The following RIGI variants were observed in gnomAD, a reference collection of about 807,000 sequenced individuals.
RIGI encodes RNA sensor RIG-I.
At chr9:32,501,588 G>A in the RIGI span, among the ~76,000 whole-genome samples, 1 of 152,170 alleles carries the variant, frequency 6.6e-6, no homozygotes, top group African/African-American at 2.4e-5. Flanking sequence ...CCAACCTGCT[G>A]GTGGTCATTC....
the RIGI span, among the ~76,000 whole-genome samples, chr9:32,515,284 C>T: frequency 6.7e-6 from 1 of 149,046 alleles, no homozygotes; most frequent in Non-Finnish European, 1.5e-5. Flanking sequence ...GACCACTGCA[C>T]TCCAGCCTGG....
At chr9:32,492,286 G>GAC in the RIGI span, 1 of 1,253,284 alleles carries the variant, frequency 8.0e-7, no homozygotes, top group South Asian at 1.4e-5. Flanking sequence ...CGTTAGAGAT[G>GAC]TAGCTCTGGC....
At chr9:32,459,507 T>C in the RIGI span, 10 of 1,603,312 alleles carry the variant, frequency 6.2e-6, no homozygotes, top group Non-Finnish European at 7.6e-6. Flanking sequence ...AGTCTGTATA[T>C]GCAGAATCTA....
the RIGI span, chr9:32,485,290 CA>C: frequency 5.1e-3 from 6,519 of 1,279,636 alleles, no homozygotes; most frequent in Admixed American, 6.0e-3. Context: ...CTAGAGACGT[CA>C]AAAAAAAAAG....
At chr9:32,501,073 T>C in the RIGI span, 1 of 1,147,018 alleles carries the variant, frequency 8.7e-7, no homozygotes, top group Non-Finnish European at 1.2e-6. Flanking sequence ...GAAGAATCTT[T>C]GGAGAAGCAG....
At chr9:32,504,435 T>C in the RIGI span, among the ~76,000 whole-genome samples, 1 of 152,062 alleles carries the variant, frequency 6.6e-6, no homozygotes, top group Non-Finnish European at 1.5e-5. Flanking sequence ...CCCAGCACTT[T>C]GGGAGGCCAA....
chr9:32,485,367 A>G, the RIGI span: 1 of 936,532 alleles, frequency 1.1e-6, no homozygotes, highest in Non-Finnish European at 1.6e-6. Flanking sequence ...AGGTATCTCT[A>G]AAACCTTTCT....
chr9:32,485,627 G>A, the RIGI span: 7 of 393,280 alleles, frequency 1.8e-5, no homozygotes, highest in South Asian at 3.8e-5. Context: ...TGCAACCTCC[G>A]TCTCCCAGGT....
At chr9:32,503,850 T>C in the RIGI span, among the ~76,000 whole-genome samples, 2 of 152,118 alleles carry the variant, frequency 1.3e-5, no homozygotes, top group Non-Finnish European at 2.9e-5. Context: ...AAGACCAGCC[T>C]GGCCAACATG....
the RIGI span, among the ~76,000 whole-genome samples, chr9:32,493,037 A>G: frequency 6.6e-6 from 1 of 152,194 alleles, no homozygotes; most frequent in Non-Finnish European, 1.5e-5. Flanking sequence ...ATACCATATT[A>G]TAAGGTAACA....
At chr9:32,492,338 G>T in the RIGI span, 1 of 1,599,158 alleles carries the variant, frequency 6.3e-7, no homozygotes. Flanking sequence ...GTAAAAGACC[G>T]GTTGGAATGA....
At chr9:32,457,932 G>A in the RIGI span, among the ~76,000 whole-genome samples, 1 of 152,102 alleles carries the variant, frequency 6.6e-6, no homozygotes, top group African/African-American at 2.4e-5. Context: ...AGTCCCTCAG[G>A]AAAACATAGG....
chr9:32,481,046 T>G, the RIGI span, among the ~76,000 whole-genome samples: 573 of 152,340 alleles, frequency 3.8e-3, no homozygotes, highest in African/African-American at 9.0e-3. Flanking sequence ...TCTGGAATAA[T>G]GTTCTCTCAC....
chr9:32,470,466 G>C, the RIGI span, among the ~76,000 whole-genome samples: 1 of 152,180 alleles, frequency 6.6e-6, no homozygotes, highest in Non-Finnish European at 1.5e-5. Flanking sequence ...TATAGACAAT[G>C]AAATTTGAAT....
At chr9:32,481,202 C>A in the RIGI span, 56 of 803,324 alleles carry the variant, frequency 7.0e-5, no homozygotes, top group Non-Finnish European at 9.5e-5. Context: ...TTGGAGTTTG[C>A]TTCATAAGAA....
At chr9:32,469,221 T>G in the RIGI span, among the ~76,000 whole-genome samples, 1 of 152,110 alleles carries the variant, frequency 6.6e-6, no homozygotes, top group African/African-American at 2.4e-5. Flanking sequence ...CCTATCCACA[T>G]CTGTGAGTGT....
At chr9:32,460,688 C>G in the RIGI span, among the ~76,000 whole-genome samples, 1 of 151,770 alleles carries the variant, frequency 6.6e-6, no homozygotes, top group Admixed American at 6.6e-5. Context: ...CTTTCCATAG[C>G]AGAATGGAAG....
the RIGI span, among the ~76,000 whole-genome samples, chr9:32,514,289 G>A: frequency 7.2e-5 from 11 of 152,088 alleles, no homozygotes; most frequent in Non-Finnish European, 1.3e-4. Context: ...TGTGTCTTGC[G>A]GCATTGTTCA....
chr9:32,496,960 A>G, the RIGI span, among the ~76,000 whole-genome samples: 2 of 152,120 alleles, frequency 1.3e-5, no homozygotes, highest in African/African-American at 4.8e-5. Context: ...ACAGATGTGT[A>G]ATGTGTTTTG....
Sources: allele counts gnomAD v4.1 joint callset (sites outside exome capture counted in the v4.1 genomes callset), GRCh38; gene constraint gnomAD v4.1.1; transcripts MANE v1.5; gene names NCBI Gene and HGNC (gene_info 2026-07-23, HGNC 2026-07-21).